Variants in CSMD1 observed in about 807,000 individuals in gnomAD.
The protein encoded by CSMD1 is CUB and Sushi multiple domains 1.
A neutral mutation model predicts 417.5 loss-of-function variants in CSMD1; 213 were observed. The ratio of observed to expected loss-of-function variants is 0.51; its 90% CI spans 0.46 to 0.57. The LOEUF (loss-of-function observed/expected upper bound fraction) is 0.57. CSMD1 is among the 20% of genes least tolerant of loss of function. The pLI is 0.00. For synonymous variants in CSMD1, 2,862 were observed against 1,736.8 expected, an observed-to-expected ratio of 1.65 and a Z score of -16.11; for missense variants, 6,923 against 4,529.7, an observed-to-expected ratio of 1.53 and a Z score of -15.17.
At chr8:3,392,282 A>T (rs554062671) in intron 17 of CSMD1, among the ~76,000 whole-genome samples, 2 of 152,160 alleles carry the variant, frequency 1.3e-5, no homozygotes, top group African/African-American at 4.8e-5. Flanking sequence ...TAAAAATTGG[A>T]TGACATTTTC....
intron 2 of CSMD1, among the ~76,000 whole-genome samples, chr8:4,545,666 T>C (rs913207784): frequency 6.6e-6 from 1 of 152,150 alleles, no homozygotes. Flanking sequence ...AGTTTCCCAG[T>C]GTGCAGTGAG....
At chr8:4,488,416 C>A (rs1288610048) in intron 2 of CSMD1, among the ~76,000 whole-genome samples, 1 of 152,090 alleles carries the variant, frequency 6.6e-6, no homozygotes, top group Middle Eastern at 3.5e-3. Flanking sequence ...GATCTCGTTG[C>A]CTCTGTTTTA....
intron 3 of CSMD1, among the ~76,000 whole-genome samples, chr8:4,375,536 A>G (rs929293504): frequency 2.0e-5 from 3 of 152,042 alleles, no homozygotes; most frequent in Non-Finnish European, 4.4e-5. Context: ...TTCCTCCTTA[A>G]CATTTTAGCC....
chr8:4,011,314 T>G (rs996410132), intron 4 of CSMD1, among the ~76,000 whole-genome samples: 2 of 152,214 alleles, frequency 1.3e-5, no homozygotes, highest in Non-Finnish European at 2.9e-5. Flanking sequence ...TCTCTGCATA[T>G]AACCGTGCTC....
intron 54 of CSMD1, among the ~76,000 whole-genome samples, chr8:2,991,001 A>G (rs1218102826): frequency 6.6e-6 from 1 of 152,216 alleles, no homozygotes; most frequent in African/African-American, 2.4e-5. Context: ...TCCATAGGGT[A>G]TATTAGCAAT....
intron 10 of CSMD1, among the ~76,000 whole-genome samples, chr8:3,518,345 G>C (rs180745606): frequency 1.3e-5 from 2 of 152,072 alleles, no homozygotes; most frequent in Admixed American, 6.5e-5. Context: ...GCAAACCTGC[G>C]TACCAACATC....
chr8:3,776,009 A>T (rs1041072448), intron 5 of CSMD1, among the ~76,000 whole-genome samples: 5 of 152,130 alleles, frequency 3.3e-5, no homozygotes, highest in Admixed American at 1.3e-4. Context: ...CCCTGATCCA[A>T]ATTTCCCCTT....
intron 3 of CSMD1, among the ~76,000 whole-genome samples, chr8:4,339,891 G>T (rs953884064): frequency 1.3e-5 from 2 of 152,028 alleles, no homozygotes; most frequent in African/African-American, 4.8e-5. Context: ...CTGGCATGGT[G>T]GCACGCACCA....
intron 12 of CSMD1, among the ~76,000 whole-genome samples, chr8:3,443,767 C>T (rs1016861896): frequency 1.3e-5 from 2 of 152,120 alleles, no homozygotes; most frequent in Non-Finnish European, 2.9e-5. Context: ...CCTTGAAATA[C>T]AGTAATTTGA....
At chr8:4,203,180 A>C (rs1799764609) in intron 3 of CSMD1, among the ~76,000 whole-genome samples, 1 of 152,206 alleles carries the variant, frequency 6.6e-6, no homozygotes, top group African/African-American at 2.4e-5. Context: ...CATTTAAAAA[A>C]TCGTCAGTGA....
At chr8:4,400,656 C>T (rs1020166875) in intron 3 of CSMD1, among the ~76,000 whole-genome samples, 88 of 152,144 alleles carry the variant, frequency 5.8e-4, no homozygotes, top group African/African-American at 2.1e-3. Flanking sequence ...AAATTTAATA[C>T]AACCCATATT....
rs1363645436 is a variant in CSMD1 at position 3,285,401 on chromosome 8, T to TC, written c.3951-1056dup. ...TTTTTGTCAGAACTTTTTTTTTTTT[T>TC]CTAGAGATGGGATGTCGCTCCCTCT... On this transcript the variant is annotated intron_variant, in intron 25 of 69. Coordinates refer to ENST00000635120, the MANE Select transcript of CSMD1 (RefSeq NM_033225.6). Among the ~76,000 whole-genome samples, 892 of 150,870 alleles carry TC rather than the reference T, an allele frequency of 5.9e-3. 5 individuals are homozygous for TC. Among genetic ancestry groups the TC allele is most frequent in the Middle Eastern group, 0.01 (3 of 292 alleles).
chr8:4,923,025 G>A (rs970664759), intron 1 of CSMD1, among the ~76,000 whole-genome samples: 5 of 152,126 alleles, frequency 3.3e-5, no homozygotes, highest in Non-Finnish European at 7.3e-5. Context: ...GCTAGATGGG[G>A]TGCTACTACT....
At chr8:3,345,781 C>A (rs1807948638) in intron 22 of CSMD1, among the ~76,000 whole-genome samples, 1 of 152,166 alleles carries the variant, frequency 6.6e-6, no homozygotes, top group African/African-American at 2.4e-5. Context: ...TAGAAGACAT[C>A]ACACAGAATG....
intron 25 of CSMD1, among the ~76,000 whole-genome samples, chr8:3,296,394 G>A (rs957046336): frequency 6.6e-6 from 1 of 152,106 alleles, no homozygotes; most frequent in Non-Finnish European, 1.5e-5. Context: ...GAGCAGAGAA[G>A]AATGGGGGTT....
chr8:3,778,927 A>C (rs765753507), intron 5 of CSMD1, among the ~76,000 whole-genome samples: 1 of 152,148 alleles, frequency 6.6e-6, no homozygotes, highest in African/African-American at 2.4e-5. Context: ...ACAATCTCTC[A>C]AAAATGCTGT....
chr8:3,481,193 T>C (rs968522114), intron 11 of CSMD1, among the ~76,000 whole-genome samples: 1 of 147,544 alleles, frequency 6.8e-6, no homozygotes, highest in Admixed American at 6.8e-5. Context: ...GAGTAGTTGG[T>C]AGACCTGCCC....
chr8:3,637,312 C>G (rs1312181489), intron 7 of CSMD1, among the ~76,000 whole-genome samples: 4 of 152,080 alleles, frequency 2.6e-5, no homozygotes, highest in Non-Finnish European at 4.4e-5. Flanking sequence ...CATAAACAAT[C>G]TATGTCTAAG....
At chr8:4,270,689 C>G (rs760737724) in intron 3 of CSMD1, among the ~76,000 whole-genome samples, 1 of 152,152 alleles carries the variant, frequency 6.6e-6, no homozygotes, top group Admixed American at 6.6e-5. Flanking sequence ...TCTACTAAAA[C>G]CGTCTGATCC....
Sources: gnomAD v4.1 joint callset for allele counts (sites outside exome capture counted in the v4.1 genomes callset) on GRCh38, gnomAD v4.1.1 for gene constraint, MANE v1.5 for transcripts, NCBI Gene and HGNC (gene_info 2026-07-23, HGNC 2026-07-21) for gene names.